Variants in FRYL observed in about 807,000 individuals in gnomAD.
FRYL encodes FRY like transcription coactivator.
A neutral mutation model predicts 351.2 loss-of-function variants in FRYL; 150 were observed. The ratio of observed to expected loss-of-function variants is 0.43; its 90% confidence interval spans 0.37 to 0.49. The LOEUF (loss-of-function observed/expected upper bound fraction) is 0.49, where lower values mean the gene tolerates loss of function less well. FRYL is among the 20% of genes least tolerant of loss of function. The probability of loss-of-function intolerance (pLI) is 0.00; values close to 1 mark genes in which losing one functional copy is unlikely to be tolerated. For synonymous variants in FRYL, 1,153 were observed against 1,257.1 expected, an observed-to-expected ratio of 0.92 and a Z score of 1.75; for missense variants, 3,036 against 3,619.3, an observed-to-expected ratio of 0.84 and a Z score of 4.13.
chr4:48,531,432 AAATATTATTTCT>A lies in FRYL; in HGVS notation c.6706-91_6706-80del, dbSNP rs1368242616. On this transcript the variant is annotated intron_variant, in intron 49 of 63. Transcript: ENST00000358350. ...AACAACAATTTACTGTACACCATAA[AAATATTATTTCT>A]ACAAAAATACTTGTAAAAATTATTC... 3 of 820,842 alleles carry A rather than the reference AAATATTATTTCT, an allele frequency of 3.7e-6. No individual in the cohort carries two copies. The African/African-American group carries it at 5.2e-5, about 14-fold the overall frequency. The allele number at this position is 820,842 out of a possible 1,614,324, so 50.8% of individuals were successfully genotyped here.
At chr4:48,559,703 A>G (rs1735013467) in intron 33 of FRYL, among the ~76,000 whole-genome samples, 1 of 119,124 alleles carries the variant, frequency 8.4e-6, no homozygotes, top group South Asian at 3.3e-4. Context: ...GGTGGGGGAG[A>G]GGGAGAGAGA....
At chr4:48,577,227 C>T (rs1253440985) in intron 23 of FRYL, among the ~76,000 whole-genome samples, 2 of 152,142 alleles carry the variant, frequency 1.3e-5, no homozygotes, top group Non-Finnish European at 2.9e-5. Context: ...AAATTTCTGT[C>T]TTGAAAGATT....
rs766470817 is a variant in FRYL, at chr4:48,602,074, T to A, written c.981A>T (p.Gln327His). 1.2e-6 allele frequency: 2 copies of A among 1,602,296 alleles called. No homozygotes were observed. The highest frequency in any genetic ancestry group is 1.7e-6 in the Non-Finnish European group (2 of 1,170,060). ...ITCLLCVSQK[Q>H]FFLNNWHIFL... ...AAATATGCCAGTTATTTAAAAAAAA[T>A]TGTTTCTGACTGACACATAAAAGGC... Residue 327 changes from glutamine to histidine, a missense_variant, in exon 13 of 64, where the codon CAA becomes CAT. By Grantham distance (24) the Gln-to-His change is conservative. Coordinates refer to ENST00000358350, the MANE Select transcript of FRYL (RefSeq NM_015030.2).
Position 48,581,437 on chromosome 4 carries a change from G to A in FRYL, c.2155C>T (p.Leu719Phe), listed in dbSNP as rs770287848. ...AATCTTACCTTAGGTATTTCCAGAA[G>A]TGCAAATAAAGCCCGTATTTCTCTA... ...VLREIRALFA[L>F]LEIPKGDDEL... Residue 719 changes from leucine to phenylalanine, a missense_variant, in exon 21 of 64, where the codon CTT becomes TTT. Leu to Phe is a conservative substitution (Grantham distance 22, BLOSUM62 0). Around this residue, in one of 7 missense-constraint regions of FRYL, gnomAD observed 492 missense variants for 551.5 expected, o/e 0.89. Coordinates refer to ENST00000358350, the MANE Select transcript of FRYL (RefSeq NM_015030.2). 3 of 1,606,462 alleles carry A rather than the reference G, an allele frequency of 1.9e-6. No homozygotes were observed. Among genetic ancestry groups the A allele is most frequent in the Non-Finnish European group, 1.7e-6 (2 of 1,177,806 alleles).
chr4:48,503,508 T>A (rs1226265180), intron 60 of FRYL, among the ~76,000 whole-genome samples: 6 of 152,214 alleles, frequency 3.9e-5, no homozygotes, highest in Non-Finnish European at 5.9e-5. Context: ...ACATAATGTA[T>A]GTAAAACACA....
chr4:48,650,567 G>C (rs1199747352), intron 3 of FRYL, among the ~76,000 whole-genome samples: 32 of 152,192 alleles, frequency 2.1e-4, no homozygotes, highest in Admixed American at 2.1e-3. Flanking sequence ...AGAGAGATGA[G>C]AGGGTACATT....
intron 49 of FRYL, among the ~76,000 whole-genome samples, chr4:48,531,629 T>C (rs1391746622): frequency 6.6e-6 from 1 of 152,160 alleles, no homozygotes; most frequent in African/African-American, 2.4e-5. Flanking sequence ...TTATCATTAA[T>C]TTGGACAGAC....
intron 13 of FRYL, among the ~76,000 whole-genome samples, chr4:48,597,186 T>A (rs1578277798): frequency 6.6e-6 from 1 of 152,268 alleles, no homozygotes; most frequent in East Asian, 1.9e-4. Flanking sequence ...GAAAACATAA[T>A]TTTCTTTTCT....
At position 48,515,107 on chromosome 4, in the gene FRYL, C is replaced by T. The variant is rs1279370237; in HGVS notation, c.7858G>A (p.Glu2620Lys). 1 of 1,613,954 alleles carries T rather than the reference C, an allele frequency of 6.2e-7. No individual in the cohort carries two copies. Among genetic ancestry groups the T allele is most frequent in the South Asian group, 1.1e-5 (1 of 91,080 alleles). Residue 2620 changes from glutamate to lysine, a missense_variant, in exon 56 of 64, where the codon GAA becomes AAA. Coordinates refer to ENST00000358350, the MANE Select transcript of FRYL (RefSeq NM_015030.2). ...TTCAGAGCTAAGGTAACATCCTCTTCACAGACTGACTCGGGGTAACTTTCA... is the reference window on the plus strand; with the variant it reads ...TTCAGAGCTAAGGTAACATCCTCTTTACAGACTGACTCGGGGTAACTTTCA... ...APESYPESVC[E>K]EDVTLALKEL...
intron 3 of FRYL, among the ~76,000 whole-genome samples, chr4:48,641,958 T>C (rs1376033952): frequency 6.6e-6 from 1 of 152,188 alleles, no homozygotes; most frequent in Non-Finnish European, 1.5e-5. Context: ...CATCCAATTG[T>C]AACTTATTTG....
chr4:48,770,975 GTTCT>G (rs1226219981), intron 1 of FRYL, among the ~76,000 whole-genome samples: 1 of 148,110 alleles, frequency 6.8e-6, no homozygotes, highest in Non-Finnish European at 1.5e-5. Context: ...TCAAAGCACA[GTTCT>G]TTTTTTGTTT....
At chr4:48,651,449 AAC>A (rs1187113536) in intron 3 of FRYL, among the ~76,000 whole-genome samples, 2 of 151,820 alleles carry the variant, frequency 1.3e-5, no homozygotes, top group Non-Finnish European at 2.9e-5. Flanking sequence ...TAGGACTACC[AAC>A]GTGACCTCCC....
intron 1 of FRYL, among the ~76,000 whole-genome samples, chr4:48,775,301 G>A (rs890483503): frequency 3.9e-5 from 6 of 152,194 alleles, no homozygotes; most frequent in East Asian, 1.9e-4. Flanking sequence ...GTTCCACTCT[G>A]CACTGGTCTA....
At chr4:48,663,016 T>C (rs1216498829) in intron 3 of FRYL, among the ~76,000 whole-genome samples, 2 of 152,088 alleles carry the variant, frequency 1.3e-5, no homozygotes, top group African/African-American at 4.8e-5. Flanking sequence ...AGATGAAAAC[T>C]TGAATCTATA....
chr4:48,587,640 T>G (rs913856230), intron 18 of FRYL, among the ~76,000 whole-genome samples: 1 of 151,948 alleles, frequency 6.6e-6, no homozygotes, highest in Non-Finnish European at 1.5e-5. Context: ...GCCTCCCGGG[T>G]TCAGGCGATT....
At chr4:48,580,116 C>T (rs1271594295) in intron 22 of FRYL, among the ~76,000 whole-genome samples, 1 of 151,804 alleles carries the variant, frequency 6.6e-6, no homozygotes, top group East Asian at 1.9e-4. Context: ...CTTATAAAAC[C>T]TTATTACCTC....
intron 54 of FRYL, among the ~76,000 whole-genome samples, chr4:48,522,636 G>A (rs1725153326): frequency 6.6e-6 from 1 of 152,146 alleles, no homozygotes; most frequent in African/African-American, 2.4e-5. Flanking sequence ...TATCACTGAA[G>A]GCCTCTAATA....
intron 62 of FRYL, among the ~76,000 whole-genome samples, chr4:48,500,921 T>C (rs1280141368): frequency 3.3e-5 from 5 of 151,872 alleles, no homozygotes; most frequent in Non-Finnish European, 5.9e-5. Context: ...CCGTCTCTAC[T>C]AAAAATACAA....
chr4:48,720,474 G>T (rs1769345937), intron 1 of FRYL, among the ~76,000 whole-genome samples: 1 of 151,716 alleles, frequency 6.6e-6, no homozygotes, highest in African/African-American at 2.4e-5. Context: ...TCCAGGCCTG[G>T]GCAACAGAGC....
Sources: gnomAD v4.1 joint callset for allele counts (sites outside exome capture counted in the v4.1 genomes callset) on GRCh38, gnomAD v4.1.1 for gene constraint, gnomAD v4.1.1 regional missense constraint, MANE v1.5 for transcripts, NCBI Gene and HGNC (gene_info 2026-07-23, HGNC 2026-07-21) for gene names.